The following CASQ2 variants were observed in gnomAD, a reference collection of about 807,000 sequenced individuals.
CASQ2 encodes calsequestrin 2, also known as calsequestrin-2.
In CASQ2, 49 loss-of-function variants were observed where a neutral mutation model predicts 46.5. The observed-to-expected ratio is 1.05, with a 90% CI of 0.84 to 1.34. CASQ2 has a LOEUF of 1.34. Among genes scored for constraint, CASQ2 ranks in the 40% most tolerant of loss-of-function variants. The pLI is 0.00. For missense variants in CASQ2, 486 were observed against 481.3 expected (o/e 1.01, Z -0.09); for synonymous variants, 174 against 168.5 (o/e 1.03, Z -0.25).
At chr1:115,739,424 A>AT (rs759606517) in intron 3 of CASQ2, among the ~76,000 whole-genome samples, 9 of 151,668 alleles carry the variant, frequency 5.9e-5, no homozygotes, top group East Asian at 1.9e-4. Flanking sequence ...CATGTACCAC[A>AT]TTTTTTTTAA....
At chr1:115,747,604 G>A (rs1482773630) in intron 1 of CASQ2, among the ~76,000 whole-genome samples, 1 of 152,086 alleles carries the variant, frequency 6.6e-6, no homozygotes, top group Non-Finnish European at 1.5e-5. Flanking sequence ...TCCAATTCAT[G>A]AATATGGTAT....
At position 115,754,653 on chromosome 1, in the gene CASQ2, A is replaced by G. The variant is rs1648697325; in HGVS notation, c.235-9741T>C. On this transcript the variant is annotated intron_variant, in intron 1 of 10. Coordinates refer to ENST00000261448, the MANE Select transcript of CASQ2 (RefSeq NM_001232.4). ...ATCTCAACCCTGACACTCTGGCTCC[A>G]GAGCCCGAACTTTCATCTGTTACCT... is the stretch of plus-strand genomic sequence containing the variant. Among the ~76,000 whole-genome samples the G allele has an allele frequency of 5.3e-5, 8 of 152,224 alleles. No homozygotes were observed. In the South Asian group the frequency reaches 1.4e-3, roughly 28 times the overall value.
rs150515313 is a variant in CASQ2 at position 115,766,039 on chromosome 1, C to A, written c.234+2269G>T. The stretch of plus-strand genomic sequence containing the variant: ...CCTGACAAGTATCTCAACAAAGGCC[C>A]GCCCCTTCCTCAACCTTCACTAATG... On this transcript the variant is annotated intron_variant, in intron 1 of 10. Transcript: ENST00000261448. Among the ~76,000 whole-genome samples, 4 of 152,294 alleles carry A rather than the reference C, an allele frequency of 2.6e-5. No homozygotes were observed. In the East Asian group the frequency reaches 7.7e-4, roughly 29 times the overall value.
chr1:115,720,614 G>T (rs1647334925), intron 7 of CASQ2, among the ~76,000 whole-genome samples: 1 of 152,182 alleles, frequency 6.6e-6, no homozygotes. Context: ...AAAGAGGCTG[G>T]AAAGAGACCT....
chr1:115,710,018 A>T (rs1654490837), intron 8 of CASQ2, among the ~76,000 whole-genome samples: 1 of 152,016 alleles, frequency 6.6e-6, no homozygotes, highest in Non-Finnish European at 1.5e-5. Flanking sequence ...TTTTTTTATT[A>T]CTATTTGTAA....
chr1:115,746,289 T>G (rs1648388262), intron 1 of CASQ2, among the ~76,000 whole-genome samples: 1 of 152,130 alleles, frequency 6.6e-6, no homozygotes, highest in Admixed American at 6.5e-5. Context: ...TGCTATAAAG[T>G]TTAGTGTATA....
intron 1 of CASQ2, among the ~76,000 whole-genome samples, chr1:115,767,708 G>C (rs1649178326): frequency 6.6e-6 from 1 of 152,158 alleles, no homozygotes; most frequent in African/African-American, 2.4e-5. Flanking sequence ...CTTCAGCTCT[G>C]CCCTAAAGTC....
At chr1:115,708,425 G>A (rs1197643779) in intron 8 of CASQ2, among the ~76,000 whole-genome samples, 1 of 152,164 alleles carries the variant, frequency 6.6e-6, no homozygotes, top group Non-Finnish European at 1.5e-5. Flanking sequence ...ACAGAACAGA[G>A]CCCATTCTTC....
chr1:115,701,968 G>C (rs961772939), intron 10 of CASQ2, among the ~76,000 whole-genome samples: 19 of 150,986 alleles, frequency 1.3e-4, no homozygotes, highest in African/African-American at 4.6e-4. Context: ...TGTTGCCCAG[G>C]CTGGAGTGCA....
At chr1:115,766,908 TAGATAGA>T (rs1649153764) in intron 1 of CASQ2, among the ~76,000 whole-genome samples, 1 of 140,852 alleles carries the variant, frequency 7.1e-6, no homozygotes, top group Non-Finnish European at 1.6e-5. Context: ...GATAGATAGA[TAGATAGA>T]TAGAAGGATG....
intron 1 of CASQ2, among the ~76,000 whole-genome samples, chr1:115,754,110 C>G (rs527682488): frequency 1.3e-5 from 2 of 152,286 alleles, no homozygotes; most frequent in Admixed American, 1.3e-4. Context: ...AGAGAGCCGA[C>G]GTTTCTCTCC....
chr1:115,762,478 C>T (rs542008149), intron 1 of CASQ2, among the ~76,000 whole-genome samples: 16 of 152,200 alleles, frequency 1.1e-4, no homozygotes, highest in African/African-American at 3.9e-4. Context: ...ATGTTGGTTA[C>T]AGGTTAGTCT....
intron 6 of CASQ2, 32 bp downstream of exon 6, chr1:115,726,960 G>GCCCCCCCCC: frequency 3.2e-5 from 21 of 653,966 alleles, no homozygotes; most frequent in Non-Finnish European, 5.5e-5. Flanking sequence ...CCAGACCCCA[G>GCCCCCCCCC]GCCCCCAGCC....
intron 10 of CASQ2, among the ~76,000 whole-genome samples, chr1:115,701,790 C>T (rs1404563912): frequency 1.3e-5 from 2 of 152,154 alleles, no homozygotes; most frequent in African/African-American, 4.8e-5. Flanking sequence ...AATGTTTTCA[C>T]TTGAGCATGT....
intron 1 of CASQ2, among the ~76,000 whole-genome samples, chr1:115,764,998 A>G (rs1649085210): frequency 6.6e-6 from 1 of 152,180 alleles, no homozygotes; most frequent in African/African-American, 2.4e-5. Context: ...TTTAGGAAAA[A>G]GCTAGCAGGT....
At chr1:115,729,241 G>T (rs956337426) in intron 5 of CASQ2, among the ~76,000 whole-genome samples, 1 of 151,772 alleles carries the variant, frequency 6.6e-6, no homozygotes. Flanking sequence ...GTAGAGATGG[G>T]GTTTCGCCAT....
At chr1:115,726,436 A>G (rs1647594306) in intron 6 of CASQ2, among the ~76,000 whole-genome samples, 1 of 152,228 alleles carries the variant, frequency 6.6e-6, no homozygotes, top group African/African-American at 2.4e-5. Flanking sequence ...CATCTGGCCC[A>G]CAGAACCTGA....
rs1654323526 is a variant in CASQ2 at position 115,705,228 on chromosome 1, CAGAT to C, written c.899_902del (p.Asp300GlyfsTer34). 1.2e-6 allele frequency: 2 copies of C among 1,613,888 alleles called. No individual in the cohort carries two copies. The highest frequency in any genetic ancestry group is 1.7e-6 in the Non-Finnish European group (2 of 1,179,836). ...CGTCCGGGTCGATCCACAGGATGCT[CAGAT>C]CGGGGTTGTCAGTATTGTCCCGGGC... On this transcript the variant is annotated frameshift_variant, in exon 9 of 11. Transcript: ENST00000261448. LOFTEE classifies it high-confidence loss of function.
intron 8 of CASQ2, among the ~76,000 whole-genome samples, chr1:115,708,873 C>T (rs770997835): frequency 3.9e-5 from 6 of 152,186 alleles, no homozygotes; most frequent in African/African-American, 7.2e-5. Flanking sequence ...AAGTGTACAG[C>T]GTGGGGCAGC....
Sources: gnomAD v4.1 joint callset for allele counts (sites outside exome capture counted in the v4.1 genomes callset) on GRCh38, gnomAD v4.1.1 for gene constraint, MANE v1.5 for transcripts, NCBI Gene and HGNC (gene_info 2026-07-23, HGNC 2026-07-21) for gene names.